Variants in PID1 observed in about 807,000 individuals in gnomAD.
PID1 encodes phosphotyrosine interaction domain containing 1.
In PID1, 10 loss-of-function variants were observed where a neutral mutation model predicts 19.1. The ratio of observed to expected loss-of-function variants is 0.52; its 90% CI spans 0.32 to 0.89. PID1 has a LOEUF of 0.89. Among genes scored for constraint, PID1 ranks in the 40% least tolerant of loss-of-function variants. The pLI, the probability that PID1 is intolerant of heterozygous loss-of-function variation, is 0.03. For missense variants in PID1, 248 were observed against 285.3 expected (o/e 0.87, Z 0.94); for synonymous variants, 130 against 116.0 (o/e 1.12, Z -0.78).
At chr2:229,165,660 T>A (rs1690582456) in intron 1 of PID1, among the ~76,000 whole-genome samples, 1 of 152,090 alleles carries the variant, frequency 6.6e-6, no homozygotes, top group Non-Finnish European at 1.5e-5. Context: ...ATAAACCAGT[T>A]AATGAAAGCC....
intron 1 of PID1, among the ~76,000 whole-genome samples, chr2:229,266,774 T>C (rs949123380): frequency 5.9e-5 from 9 of 152,170 alleles, no homozygotes; most frequent in African/African-American, 1.7e-4. Flanking sequence ...ATGAGCCAGA[T>C]AGTTAAAATA....
intron 2 of PID1, among the ~76,000 whole-genome samples, chr2:229,138,682 C>T (rs1252482082): frequency 1.3e-5 from 2 of 151,902 alleles, no homozygotes; most frequent in Non-Finnish European, 1.5e-5. Context: ...TTTGGGAGTC[C>T]ACATAGTTTG....
intron 2 of PID1, among the ~76,000 whole-genome samples, chr2:229,145,155 G>GTATATAGATA (rs1690101583): frequency 5.0e-5 from 6 of 119,968 alleles, no homozygotes; most frequent in Non-Finnish European, 8.6e-5. Flanking sequence ...ATATGTATGT[G>GTATATAGATA]TATATATATA....
chr2:229,049,731 T>C (rs937900459), intron 2 of PID1, among the ~76,000 whole-genome samples: 1 of 152,150 alleles, frequency 6.6e-6, no homozygotes, highest in Non-Finnish European at 1.5e-5. Flanking sequence ...CATAAAAAAC[T>C]TTCTCACTGT....
intron 1 of PID1, among the ~76,000 whole-genome samples, chr2:229,194,205 G>C (rs1004254415): frequency 6.6e-6 from 1 of 151,946 alleles, no homozygotes; most frequent in Non-Finnish European, 1.5e-5. Flanking sequence ...AAAGTCAGAA[G>C]AGAAAAAAAT....
At chr2:229,217,359 T>G (rs910139985) in intron 1 of PID1, among the ~76,000 whole-genome samples, 1 of 152,228 alleles carries the variant, frequency 6.6e-6, no homozygotes, top group African/African-American at 2.4e-5. Context: ...TTAATGATAG[T>G]GCCTTTCTGG....
At chr2:229,077,703 G>C (rs75856599) in intron 2 of PID1, among the ~76,000 whole-genome samples, 1 of 152,034 alleles carries the variant, frequency 6.6e-6, no homozygotes, top group African/African-American at 2.4e-5. Context: ...GTGGATGTGC[G>C]GTGTTATTTC....
intron 2 of PID1, among the ~76,000 whole-genome samples, chr2:229,143,223 C>G (rs995871595): frequency 6.7e-6 from 1 of 149,202 alleles, no homozygotes; most frequent in Admixed American, 6.7e-5. Context: ...GGAGGGATAG[C>G]TTTAGGAGAT....
At chr2:229,112,817 G>A (rs1280982270) in intron 2 of PID1, among the ~76,000 whole-genome samples, 1 of 152,092 alleles carries the variant, frequency 6.6e-6, no homozygotes, top group African/African-American at 2.4e-5. Context: ...ATGAGTCACT[G>A]TCTTTCTCTG....
At chr2:229,123,015 G>T (rs577295746) in intron 2 of PID1, among the ~76,000 whole-genome samples, 1 of 152,074 alleles carries the variant, frequency 6.6e-6, no homozygotes, top group South Asian at 2.1e-4. Context: ...TAGCTTTATT[G>T]AAATAAAATT....
intron 1 of PID1, among the ~76,000 whole-genome samples, chr2:229,190,461 T>C (rs535436351): frequency 6.0e-4 from 92 of 152,300 alleles, no homozygotes; most frequent in African/African-American, 2.1e-3. Flanking sequence ...TGGAAGGAAC[T>C]AGGGGAAACA....
At chr2:229,099,805 A>AAT (rs534233306) in intron 2 of PID1, among the ~76,000 whole-genome samples, 135 of 152,370 alleles carry the variant, frequency 8.9e-4, no homozygotes, top group Non-Finnish European at 1.7e-3. Context: ...CTTTTGAAAG[A>AAT]ATATAATCAT....
intron 2 of PID1, among the ~76,000 whole-genome samples, chr2:229,106,035 C>T (rs1258936602): frequency 2.3e-5 from 3 of 132,970 alleles, no homozygotes; most frequent in Admixed American, 1.8e-4. Context: ...GCTGAGATTG[C>T]GCCACTGCAT....
intron 1 of PID1, among the ~76,000 whole-genome samples, chr2:229,258,408 A>G (rs963035957): frequency 7.9e-5 from 12 of 152,338 alleles, no homozygotes; most frequent in Admixed American, 2.0e-4. Flanking sequence ...TATAGAGTTC[A>G]TTATTTATAT....
At chr2:229,086,160 T>C (rs756133538) in intron 2 of PID1, among the ~76,000 whole-genome samples, 10 of 152,140 alleles carry the variant, frequency 6.6e-5, no homozygotes, top group Admixed American at 1.3e-4. Context: ...TCCATTAGCT[T>C]AAATTTCTAT....
chr2:229,211,551 G>A (rs1439188076), intron 1 of PID1, among the ~76,000 whole-genome samples: 5 of 152,146 alleles, frequency 3.3e-5, no homozygotes. Flanking sequence ...GGCTAAAATG[G>A]AGAAATGCTC....
At chr2:229,149,962 G>A (rs904820100) in intron 2 of PID1, among the ~76,000 whole-genome samples, 1 of 152,176 alleles carries the variant, frequency 6.6e-6, no homozygotes, top group East Asian at 1.9e-4. Flanking sequence ...CATTCTGGCT[G>A]GGTGGTGGCT....
intron 1 of PID1, among the ~76,000 whole-genome samples, chr2:229,178,114 TAGTC>T (rs981267785): frequency 9.2e-5 from 14 of 152,212 alleles, no homozygotes; most frequent in East Asian, 5.8e-4. Context: ...TTAATAAAAA[TAGTC>T]AGCCAGTTAT....
intron 2 of PID1, among the ~76,000 whole-genome samples, chr2:229,076,401 T>C (rs1204375441): frequency 6.6e-6 from 1 of 152,196 alleles, no homozygotes; most frequent in African/African-American, 2.4e-5. Context: ...TTTTACTTTT[T>C]TTATGATTAT....
Sources: allele counts gnomAD v4.1 joint callset (sites outside exome capture counted in the v4.1 genomes callset), GRCh38; gene constraint gnomAD v4.1.1; transcripts MANE v1.5; gene names NCBI Gene and HGNC (gene_info 2026-07-23, HGNC 2026-07-21).